Variants in CAMTA1 observed in about 807,000 individuals in gnomAD.
CAMTA1 encodes calmodulin binding transcription activator 1, also known as calmodulin-binding transcription activator 1.
In CAMTA1, 27 loss-of-function variants were observed where a neutral mutation model predicts 170.9. The observed-to-expected ratio is 0.16, with a 90% confidence interval of 0.12 to 0.22. The LOEUF (loss-of-function observed/expected upper bound fraction) is 0.22, where lower values mean the gene tolerates loss of function less well. Among genes scored for constraint, CAMTA1 ranks in the 10% least tolerant of loss-of-function variants. CAMTA1 has a pLI of 1.00. For missense variants in CAMTA1, 1,619 were observed against 2,217.2 expected, an observed-to-expected ratio of 0.73 and a Z score of 5.42; for synonymous variants, 833 against 891.5, an observed-to-expected ratio of 0.93 and a Z score of 1.17.
chr1:6,866,993 C>A (rs1452401549), intron 3 of CAMTA1, among the ~76,000 whole-genome samples: 1 of 152,266 alleles, frequency 6.6e-6, no homozygotes, highest in Non-Finnish European at 1.5e-5. Flanking sequence ...CACAGCATGG[C>A]TGCGTGCCTA....
At chr1:7,458,400 G>T (rs1020833902) in intron 5 of CAMTA1, among the ~76,000 whole-genome samples, 12 of 152,186 alleles carry the variant, frequency 7.9e-5, no homozygotes, top group Admixed American at 6.5e-5. Flanking sequence ...CTTCCAGGAG[G>T]GTGGTGAGGT....
At chr1:7,705,225 AAGGGTG>A (rs1434234828) in intron 11 of CAMTA1, among the ~76,000 whole-genome samples, 1 of 150,072 alleles carries the variant, frequency 6.7e-6, no homozygotes, top group Non-Finnish European at 1.5e-5. Flanking sequence ...TGTGAGGAGC[AAGGGTG>A]AGGGGCTGCA....
At chr1:6,952,986 G>A (rs921493167) in intron 3 of CAMTA1, among the ~76,000 whole-genome samples, 3 of 151,764 alleles carry the variant, frequency 2.0e-5, no homozygotes, top group Admixed American at 6.6e-5. Context: ...CCTTCCCGCC[G>A]CCTTCCGAAC....
chr1:7,528,216 A>G (rs776250011), intron 6 of CAMTA1, among the ~76,000 whole-genome samples: 11 of 152,200 alleles, frequency 7.2e-5, no homozygotes, highest in African/African-American at 2.4e-4. Context: ...TGGTAATGAA[A>G]AAAAACAACA....
At chr1:6,848,262 C>CCT (rs2148774866) in intron 3 of CAMTA1, among the ~76,000 whole-genome samples, 1 of 152,296 alleles carries the variant, frequency 6.6e-6, no homozygotes, top group Non-Finnish European at 1.5e-5. Context: ...TCCTCTCATA[C>CCT]CTCAGCCTCC....
intron 6 of CAMTA1, among the ~76,000 whole-genome samples, chr1:7,631,981 T>G (rs1288156409): frequency 6.6e-6 from 1 of 152,208 alleles, no homozygotes; most frequent in African/African-American, 2.4e-5. Context: ...TGCAGCCTAG[T>G]GACACCACAG....
At chr1:7,114,016 C>A (rs1644215407) in intron 4 of CAMTA1, among the ~76,000 whole-genome samples, 1 of 152,178 alleles carries the variant, frequency 6.6e-6, no homozygotes, top group Admixed American at 6.5e-5. Context: ...ACTGCTGTAA[C>A]CCACGAGCCT....
intron 6 of CAMTA1, among the ~76,000 whole-genome samples, chr1:7,538,139 G>A (rs1210361434): frequency 6.6e-6 from 1 of 152,210 alleles, no homozygotes; most frequent in East Asian, 1.9e-4. Context: ...GCTCTCTAGG[G>A]GGAAAAGCCT....
In CAMTA1 at chr1:7,293,801, C is replaced by T. The variant is rs1403025250; in HGVS notation, c.438+44175C>T. Among the ~76,000 whole-genome samples the T allele has an allele frequency of 6.6e-6, 1 of 152,222 alleles. No individual in the cohort carries two copies. The highest frequency in any genetic ancestry group is 1.5e-5 in the Non-Finnish European group (1 of 68,048). On this transcript the variant is annotated intron_variant, in intron 5 of 22. Coordinates refer to ENST00000303635, the MANE Select transcript of CAMTA1 (RefSeq NM_015215.4). This position sits in a 1 kb window ranked among gnomAD's most constrained non-coding sequence, Gnocchi z 4.1. ...GCCTCCCGATGGCTGCCCAGGGTTT[C>T]CAGCTCTCCCGTGCCCCTCGCTTTT... is the stretch of plus-strand genomic sequence containing the variant.
chr1:7,469,667 G>A (rs150905804), intron 6 of CAMTA1, among the ~76,000 whole-genome samples: 34 of 152,324 alleles, frequency 2.2e-4, no homozygotes, highest in African/African-American at 6.3e-4. Flanking sequence ...CTCCAGGCTG[G>A]TCTGCTCCTC....
In CAMTA1 at chr1:7,736,330, C is replaced by A; in HGVS notation, c.3067-14C>A. 6.2e-7 allele frequency: 1 copy of A among 1,612,472 alleles called. No homozygotes were observed. Among genetic ancestry groups the A allele is most frequent in the East Asian group, 2.2e-5 (1 of 44,824 alleles). Reference sequence around the variant, plus strand: ...TTTAGTCCTGAGGTCGTAACGTGCGCTTTTTTGTGACAGTGTGCTTCTGGG... The same window carrying A: ...TTTAGTCCTGAGGTCGTAACGTGCGATTTTTTGTGACAGTGTGCTTCTGGG... On this transcript the variant is annotated splice_polypyrimidine_tract_variant and intron_variant, in intron 12 of 22. Coordinates refer to ENST00000303635, the MANE Select transcript of CAMTA1 (RefSeq NM_015215.4). This position sits in a 1 kb window ranked among gnomAD's most constrained non-coding sequence, Gnocchi z 4.5.
chr1:7,586,841 A>G, intron 6 of CAMTA1, among the ~76,000 whole-genome samples: 1 of 151,950 alleles, frequency 6.6e-6, no homozygotes, highest in East Asian at 1.9e-4. Flanking sequence ...GCTGCGGTGG[A>G]ACTGAGGTGC....
At chr1:7,145,279 C>T (rs1646118381) in intron 4 of CAMTA1, among the ~76,000 whole-genome samples, 1 of 152,186 alleles carries the variant, frequency 6.6e-6, no homozygotes, top group Non-Finnish European at 1.5e-5. Flanking sequence ...ATTCCACGTG[C>T]CTCTTTATCT....
chr1:7,276,303 A>ATATTTTTTTTTTTTTTT, intron 5 of CAMTA1, among the ~76,000 whole-genome samples: 2 of 24,230 alleles, frequency 8.3e-5, no homozygotes, highest in African/African-American at 3.0e-4. Context: ...ATATATATAT[A>ATATTTTTTTTTTTTTTT]TTTTTTTTTT....
chr1:7,290,615 T>C (rs778165937), intron 5 of CAMTA1, among the ~76,000 whole-genome samples: 21 of 152,224 alleles, frequency 1.4e-4, no homozygotes, highest in Non-Finnish European at 2.2e-4. Flanking sequence ...CTGCGTGTAT[T>C]GACACACATT....
intron 19 of CAMTA1, among the ~76,000 whole-genome samples, chr1:7,750,123 G>A (rs917801771): frequency 2.6e-5 from 4 of 152,198 alleles, no homozygotes; most frequent in African/African-American, 7.2e-5. Flanking sequence ...GTGTGCACAG[G>A]TGGAGACGAT....
chr1:6,792,301 G>A (rs1006775013), intron 1 of CAMTA1, among the ~76,000 whole-genome samples: 6 of 150,970 alleles, frequency 4.0e-5, no homozygotes, highest in African/African-American at 1.2e-4. Flanking sequence ...AGCAGTTCAC[G>A]TGATGGGACA....
At chr1:7,468,566 T>G (rs2093265757) in intron 6 of CAMTA1, among the ~76,000 whole-genome samples, 1 of 152,224 alleles carries the variant, frequency 6.6e-6, no homozygotes, top group Non-Finnish European at 1.5e-5. Context: ...CCAGCTGTCT[T>G]GCCTGCCGTG....
intron 6 of CAMTA1, among the ~76,000 whole-genome samples, chr1:7,578,406 G>A (rs1177050159): frequency 6.6e-6 from 1 of 152,200 alleles, no homozygotes; most frequent in African/African-American, 2.4e-5. Flanking sequence ...GGCTCTCACA[G>A]CAGCTTGCTC....
Sources: allele counts gnomAD v4.1 joint callset (sites outside exome capture counted in the v4.1 genomes callset), GRCh38; gene constraint gnomAD v4.1.1; non-coding constraint Gnocchi (gnomAD v3.1); transcripts MANE v1.5; gene names NCBI Gene and HGNC (gene_info 2026-07-23, HGNC 2026-07-21).